The following SLC9A7 variants were observed in gnomAD, a reference collection of about 807,000 sequenced individuals.
SLC9A7 encodes the protein solute carrier family 9 member A7.
In SLC9A7, 19 loss-of-function variants were observed where a neutral mutation model predicts 52.6. The observed-to-expected ratio is 0.36, with a 90% CI of 0.25 to 0.53. The LOEUF (loss-of-function observed/expected upper bound fraction) is 0.53, where lower values mean the gene tolerates loss of function less well. SLC9A7 is among the 20% of genes least tolerant of loss of function. The probability of loss-of-function intolerance (pLI) is 0.91; values close to 1 mark genes in which losing one functional copy is unlikely to be tolerated. For missense variants in SLC9A7, 455 were observed against 597.9 expected (o/e 0.76, Z 2.49); for synonymous variants, 226 against 252.1 (o/e 0.90, Z 0.98).
Position 46,627,867 on chromosome X carries a change from G to A in SLC9A7, c.1740+3719C>T, listed in dbSNP as rs140460759. On this transcript the variant is annotated intron_variant, in intron 14 of 16. Transcript: ENST00000616978. ...TTAAAGATTTAGGTGACAGATTTAC[G>A]GGTATCAGATTTCAGCCTGGAGAAA... Among the ~76,000 whole-genome samples, 569 of 109,987 alleles carry A rather than the reference G, an allele frequency of 5.2e-3. 5 individuals carry two copies. The highest frequency in any genetic ancestry group is 9.3e-3 in the Non-Finnish European group (488 of 52,695).
chrX:46,710,863 G>T (rs1291923466), intron 1 of SLC9A7, among the ~76,000 whole-genome samples: 1 of 111,689 alleles, frequency 9.0e-6, no homozygotes, highest in African/African-American at 3.3e-5. Flanking sequence ...ACAACCTGGG[G>T]TCCCCTGCTA....
At chrX:46,698,732 A>T (rs1944486081) in intron 1 of SLC9A7, among the ~76,000 whole-genome samples, 2 of 111,987 alleles carry the variant, frequency 1.8e-5, no homozygotes. Context: ...TTAAGTATTA[A>T]GAATTAACAT....
intron 12 of SLC9A7, among the ~76,000 whole-genome samples, chrX:46,640,658 G>A (rs954352449): frequency 8.9e-6 from 1 of 112,477 alleles, no homozygotes; most frequent in Non-Finnish European, 1.9e-5. Flanking sequence ...AAAGACTACA[G>A]TCTAGAATAA....
intron 7 of SLC9A7, among the ~76,000 whole-genome samples, chrX:46,654,974 CTT>C: frequency 2.0e-5 from 2 of 97,748 alleles, no homozygotes; most frequent in African/African-American, 7.3e-5. Context: ...TTCTTTCTTT[CTT>C]TCTTTCTTTT....
In SLC9A7 at chrX:46,719,264, G is replaced by A. The variant is rs746166456; in HGVS notation, c.326-36729C>T. 6.6e-3 allele frequency among the ~76,000 whole-genome samples: 634 copies of A among 96,002 alleles called. 4 individuals are homozygous for A. Among genetic ancestry groups the A allele is most frequent in the Middle Eastern group, 0.026 (5 of 193 alleles). The allele number at this position is 96,002 out of a possible 115,157, so 83.4% of individuals were successfully genotyped here. The stretch of plus-strand genomic sequence containing the variant: ...AACAATGAGAACACTTGGACACAGG[G>A]TGGGGAACATCACACACCGGGGCCT... On this transcript the variant is annotated intron_variant, in intron 1 of 16. Transcript: ENST00000616978.
At chrX:46,688,995 CTTTA>C (rs765521091) in intron 1 of SLC9A7, among the ~76,000 whole-genome samples, 5 of 108,619 alleles carry the variant, frequency 4.6e-5, no homozygotes, top group African/African-American at 1.0e-4. Context: ...TTTTTTTTTG[CTTTA>C]TTGTTATACA....
chrX:46,672,455 A>G, intron 4 of SLC9A7, 96 bp downstream of exon 4: 1 of 627,445 alleles, frequency 1.6e-6, no homozygotes. Context: ...GACTGCCATC[A>G]TCAAAAATAT....
intron 1 of SLC9A7, among the ~76,000 whole-genome samples, chrX:46,697,066 T>C (rs970949219): frequency 2.7e-5 from 3 of 111,481 alleles, no homozygotes; most frequent in African/African-American, 9.8e-5. Flanking sequence ...CTGTGGGAGA[T>C]CATAAACAGG....
At chrX:46,726,940 C>T (rs1944954903) in intron 1 of SLC9A7, among the ~76,000 whole-genome samples, 1 of 111,845 alleles carries the variant, frequency 8.9e-6, no homozygotes, top group African/African-American at 3.3e-5. Context: ...TGCCAATTTA[C>T]AGCTTCCCAG....
At chrX:46,753,519 G>A (rs903139300) in intron 1 of SLC9A7, among the ~76,000 whole-genome samples, 8 of 111,640 alleles carry the variant, frequency 7.2e-5, no homozygotes, top group African/African-American at 1.6e-4. Context: ...TCTTTTTATC[G>A]CTGCATAGTA....
At chrX:46,675,905 G>A (rs911544361) in intron 3 of SLC9A7, among the ~76,000 whole-genome samples, 4 of 111,899 alleles carry the variant, frequency 3.6e-5, no homozygotes, top group Admixed American at 2.8e-4. Context: ...TGAAACCTCT[G>A]TAAAAGGTTC....
At position 46,686,029 on chromosome X, in the gene SLC9A7, G is replaced by A. The variant is rs138126788; in HGVS notation, c.326-3494C>T. Among the ~76,000 whole-genome samples, 443 of 112,285 alleles carry A rather than the reference G, an allele frequency of 3.9e-3. 5 individuals carry two copies. The highest frequency in any genetic ancestry group is 0.014 in the African/African-American group (430 of 30,947). On this transcript the variant is annotated intron_variant, in intron 1 of 16. Transcript: ENST00000616978. ...CCTCATGAATACTACTCTAACAAGAGAGGGTTTATATTTGTAGACAAATTC... is the reference window on the plus strand; with the variant it reads ...CCTCATGAATACTACTCTAACAAGAAAGGGTTTATATTTGTAGACAAATTC...
At chrX:46,718,911 T>C (rs1190084650) in intron 1 of SLC9A7, among the ~76,000 whole-genome samples, 1 of 111,833 alleles carries the variant, frequency 8.9e-6, no homozygotes. Flanking sequence ...GATCTAGAAC[T>C]AGATATACCA....
In SLC9A7 at chrX:46,626,530, C is replaced by T. The variant is rs1943131725; in HGVS notation, c.1740+5056G>A. ...CCTCAGGTGATCCACCTGCCTTGGC[C>T]TCCCGAAGTGCTGGGATTACAGGTG... On this transcript the variant is annotated intron_variant, in intron 14 of 16. Coordinates refer to ENST00000616978, the MANE Select transcript of SLC9A7 (RefSeq NM_001257291.2). Among the ~76,000 whole-genome samples the T allele has an allele frequency of 2.7e-5, 3 of 112,810 alleles. No homozygotes were observed. In the Admixed American group the frequency reaches 2.8e-4, roughly 10 times the overall value.
chrX:46,744,440 T>G (rs1196871867), intron 1 of SLC9A7, among the ~76,000 whole-genome samples: 1 of 112,604 alleles, frequency 8.9e-6, no homozygotes, highest in African/African-American at 3.2e-5. Flanking sequence ...AAAAGTAATC[T>G]GAGAATCAAT....
At chrX:46,655,851 G>C (rs1183868999) in intron 7 of SLC9A7, among the ~76,000 whole-genome samples, 2 of 112,742 alleles carry the variant, frequency 1.8e-5, no homozygotes, top group African/African-American at 6.4e-5. Flanking sequence ...CGGGAAGCTC[G>C]AACTGGGTGG....
intron 7 of SLC9A7, 43 bp downstream of exon 7, chrX:46,661,973 C>G (rs1206147777): frequency 9.0e-7 from 1 of 1,114,528 alleles, no homozygotes; most frequent in Non-Finnish European, 1.2e-6. Flanking sequence ...TGTAATGCCA[C>G]ACACGCATAC....
chrX:46,716,575 C>T (rs757939816), intron 1 of SLC9A7, among the ~76,000 whole-genome samples: 4 of 111,104 alleles, frequency 3.6e-5, no homozygotes, highest in Non-Finnish European at 7.5e-5. Flanking sequence ...CACTCACTCA[C>T]CCCCTAAAAC....
chrX:46,613,330 C>T lies in SLC9A7; in HGVS notation c.1888G>A (p.Gly630Ser), dbSNP rs369437044. The T allele has an allele frequency of 1.7e-6, 2 of 1,208,443 alleles. No individual in the cohort carries two copies. Among genetic ancestry groups the T allele is most frequent in the African/African-American group, 1.7e-5 (1 of 57,685 alleles). ...PLTTTLPAWC[G>S]LLARCLTSPQ... The stretch of plus-strand genomic sequence containing the variant: ...CTGGTCAGACATCGAGCTAGTAAGC[C>T]ACACCAGGCGGGGAGCGTGGTGGTT... Residue 630 changes from glycine to serine, a missense_variant, in exon 16 of 17, where the codon GGC (glycine) becomes AGC (serine). By Grantham distance (56) the Gly-to-Ser change is moderately conservative. Transcript: ENST00000616978.
Sources: gnomAD v4.1 joint callset for allele counts (sites outside exome capture counted in the v4.1 genomes callset) on GRCh38, gnomAD v4.1.1 for gene constraint, MANE v1.5 for transcripts, NCBI Gene and HGNC (gene_info 2026-07-23, HGNC 2026-07-21) for gene names.